Variants in NF2 observed in about 807,000 individuals in gnomAD.
NF2 encodes NF2, moesin-ezrin-radixin like (MERLIN) tumor suppressor.
In NF2, 8 loss-of-function variants were observed where a neutral mutation model predicts 83.7. That is an observed-to-expected ratio of 0.10 (90% CI 0.06 to 0.17). The LOEUF is 0.17. Ranked by LOEUF, NF2 falls within the 10% of genes least tolerant of loss-of-function variation. NF2 has a pLI of 1.00. For synonymous variants in NF2, 266 were observed against 269.6 expected, an observed-to-expected ratio of 0.99 and a Z score of 0.13; for missense variants, 533 against 744.4, an observed-to-expected ratio of 0.72 and a Z score of 3.31.
intron 2 of NF2, among the ~76,000 whole-genome samples, chr22:29,638,661 G>T (rs1041372377): frequency 1.3e-5 from 2 of 151,826 alleles, no homozygotes; most frequent in Non-Finnish European, 2.9e-5. Context: ...GCTCTAAGCC[G>T]TATTCTATCA....
Position 29,667,205 on chromosome 22 carries a change from C to T in NF2, c.886-1128C>T, listed in dbSNP as rs1453488636. Among the ~76,000 whole-genome samples, 9 of 151,992 alleles carry T rather than the reference C, an allele frequency of 5.9e-5. No individual in the cohort carries two copies. In the East Asian group the frequency reaches 9.7e-4, roughly 16 times the overall value. ...TTTTAAAATTTTTGCCAATCTTGTGCATCTAAAATGGTATCTCATTATCAA... is the reference window on the plus strand; with the variant it reads ...TTTTAAAATTTTTGCCAATCTTGTGTATCTAAAATGGTATCTCATTATCAA... On this transcript the variant is annotated intron_variant, in intron 9 of 15. Transcript: ENST00000338641.
At chr22:29,690,108 T>A (rs969572718) in intron 15 of NF2, among the ~76,000 whole-genome samples, 1 of 152,172 alleles carries the variant, frequency 6.6e-6, no homozygotes, top group Non-Finnish European at 1.5e-5. Context: ...ACAGGTGCCT[T>A]CCAGGCTTGC....
In NF2 at chr22:29,678,458, T is replaced by TA. The variant is rs1360506594; in HGVS notation, c.1574+136dup. On this transcript the variant is annotated intron_variant, in intron 14 of 15. Coordinates refer to ENST00000338641, the MANE Select transcript of NF2 (RefSeq NM_000268.4). Reference sequence around the variant, plus strand: ...CTCCTGCAAAGGTTTGCTCTGCTCTTACACCCTGGAGGAAGAATTTCCTTA... The same window carrying TA: ...CTCCTGCAAAGGTTTGCTCTGCTCTTAACACCCTGGAGGAAGAATTTCCTTA... 4 of 1,002,704 alleles carry TA rather than the reference T, an allele frequency of 4.0e-6. No individual in the cohort carries two copies. The African/African-American group carries it at 6.4e-5, about 16-fold the overall frequency. 62.1% of individuals were successfully genotyped at this position (1,002,704 alleles called of 1,614,324 possible). A position where few individuals can be genotyped will look rare whatever the true frequency, so the allele number is the denominator to read the frequency against.
intron 1 of NF2, among the ~76,000 whole-genome samples, chr22:29,624,845 CTT>C (rs1358377151): frequency 2.8e-5 from 4 of 143,756 alleles, no homozygotes; most frequent in Admixed American, 6.9e-5. Context: ...TTCTTTCTTT[CTT>C]TCTTTCTTTC....
At chr22:29,629,740 C>T (rs957323121) in intron 1 of NF2, among the ~76,000 whole-genome samples, 2 of 152,292 alleles carry the variant, frequency 1.3e-5, no homozygotes, top group Non-Finnish European at 1.5e-5. Flanking sequence ...CTGAGTTTGT[C>T]GATTCTCTTT....
chr22:29,671,307 G>T (rs1432214541), intron 10 of NF2, among the ~76,000 whole-genome samples: 1 of 152,198 alleles, frequency 6.6e-6, no homozygotes, highest in Non-Finnish European at 1.5e-5. Flanking sequence ...AAGGTGGGTG[G>T]ATCATAAGGT....
chr22:29,634,509 GCA>G (rs1390074906), intron 1 of NF2, among the ~76,000 whole-genome samples: 1 of 152,110 alleles, frequency 6.6e-6, no homozygotes, highest in Non-Finnish European at 1.5e-5. Context: ...TTGTTTCTCT[GCA>G]CTGCACACCC....
chr22:29,639,881 C>CAA (rs763315832), intron 3 of NF2, among the ~76,000 whole-genome samples: 8 of 21,186 alleles, frequency 3.8e-4, no homozygotes, highest in Non-Finnish European at 5.8e-4. Context: ...GGTTCCGTCT[C>CAA]AAAAAAAAAA....
intron 11 of NF2, among the ~76,000 whole-genome samples, chr22:29,672,875 C>G (rs1028449496): frequency 2.0e-5 from 3 of 152,198 alleles, no homozygotes; most frequent in African/African-American, 7.2e-5. Flanking sequence ...CCGCCTCAGC[C>G]TCCCAAAAGG....
chr22:29,638,463 G>A (rs1292547370), intron 2 of NF2, among the ~76,000 whole-genome samples: 1 of 151,408 alleles, frequency 6.6e-6, no homozygotes, highest in Non-Finnish European at 1.5e-5. Context: ...AGATTCTCCT[G>A]CCTCAGCCTC....
At chr22:29,612,847 G>A in intron 1 of NF2, among the ~76,000 whole-genome samples, 1 of 151,890 alleles carries the variant, frequency 6.6e-6, no homozygotes, top group East Asian at 2.0e-4. Flanking sequence ...TGTAATCCCA[G>A]CACTTTGGGA....
chr22:29,650,693 C>T (rs891117141), intron 4 of NF2, among the ~76,000 whole-genome samples: 1 of 149,370 alleles, frequency 6.7e-6, no homozygotes, highest in East Asian at 2.1e-4. Flanking sequence ...TTCTTCCTTT[C>T]CCAGGTTCAA....
At chr22:29,672,072 GA>G in intron 11 of NF2, 124 bp downstream of exon 11, 1 of 1,423,882 alleles carries the variant, frequency 7.0e-7, no homozygotes, top group Non-Finnish European at 9.7e-7. Context: ...TTTCAGCTTT[GA>G]AAAAATCAGT....
At chr22:29,670,506 T>TGTGTGC (rs1287886244) in intron 10 of NF2, among the ~76,000 whole-genome samples, 2 of 50,408 alleles carry the variant, frequency 4.0e-5, no homozygotes, top group African/African-American at 1.1e-4. Context: ...TTTGAGCTTG[T>TGTGTGC]GTGTGTGTGT....
chr22:29,639,629 AAT>A (rs1403774745), intron 3 of NF2, among the ~76,000 whole-genome samples: 4 of 152,210 alleles, frequency 2.6e-5, no homozygotes, highest in African/African-American at 9.7e-5. Flanking sequence ...TCAGGCCTGT[AAT>A]CCCAGCACTT....
intron 12 of NF2, among the ~76,000 whole-genome samples, chr22:29,674,431 G>C (rs1402152448): frequency 2.0e-5 from 3 of 152,234 alleles, no homozygotes; most frequent in Admixed American, 6.5e-5. Context: ...TGAAGACGCA[G>C]TTCTTGCACA....
At chr22:29,686,247 G>A (rs764462236) in intron 15 of NF2, among the ~76,000 whole-genome samples, 3 of 152,242 alleles carry the variant, frequency 2.0e-5, no homozygotes, top group Non-Finnish European at 4.4e-5. Flanking sequence ...GGCGAAGGAC[G>A]GCATGTGGGC....
At chr22:29,657,468 A>G (rs1432092390) in intron 6 of NF2, among the ~76,000 whole-genome samples, 2 of 152,252 alleles carry the variant, frequency 1.3e-5, no homozygotes, top group African/African-American at 2.4e-5. Flanking sequence ...GTCAATGTGC[A>G]TGATTTCTGA....
At chr22:29,670,007 T>C (rs2066734061) in intron 10 of NF2, among the ~76,000 whole-genome samples, 1 of 150,306 alleles carries the variant, frequency 6.7e-6, no homozygotes, top group South Asian at 2.1e-4. Context: ...TTACCTGGCT[T>C]TTTTTTTTAA....
Sources: gnomAD v4.1 joint callset for allele counts (sites outside exome capture counted in the v4.1 genomes callset) on GRCh38, gnomAD v4.1.1 for gene constraint, MANE v1.5 for transcripts, NCBI Gene and HGNC (gene_info 2026-07-23, HGNC 2026-07-21) for gene names.